Variants in GRK4 observed in about 807,000 individuals in gnomAD.
GRK4 encodes G protein-coupled receptor kinase 2-like.
GRK4 carries 73 observed loss-of-function variants against 77.9 expected under a neutral mutation model. That is an observed-to-expected ratio of 0.94 (90% CI 0.78 to 1.14). The LOEUF (loss-of-function observed/expected upper bound fraction) is 1.14. Among genes scored for constraint, GRK4 ranks in the 50% most tolerant of loss-of-function variants. GRK4 has a pLI of 0.00. For synonymous variants in GRK4, 257 were observed against 254.4 expected (o/e 1.01, Z -0.10); for missense variants, 729 against 700.2 (o/e 1.04, Z -0.46).
intron 1 of GRK4, among the ~76,000 whole-genome samples, chr4:2,977,288 G>C (rs1326438347): frequency 1.3e-5 from 2 of 152,164 alleles, no homozygotes; most frequent in Non-Finnish European, 1.5e-5. Context: ...CTGTTTGCTA[G>C]AGCGTGGGGC....
chr4:3,037,798 C>G (rs1741205766), intron 14 of GRK4, among the ~76,000 whole-genome samples: 1 of 152,096 alleles, frequency 6.6e-6, no homozygotes, highest in East Asian at 1.9e-4. Context: ...ACCTGTAGTC[C>G]CAGCTAGTAG....
Position 3,007,061 on chromosome 4 carries a change from G to T in GRK4, c.444-675G>T, listed in dbSNP as rs116174261. On this transcript the variant is annotated intron_variant, in intron 5 of 15. Transcript: ENST00000398052. Reference sequence around the variant, plus strand: ...AATAACACAACAATTATAAGGCTAGGCTTGGTGGCTTACACCTGTAGTCCC... The same window carrying T: ...AATAACACAACAATTATAAGGCTAGTCTTGGTGGCTTACACCTGTAGTCCC... Among the ~76,000 whole-genome samples the T allele has an allele frequency of 5.3e-3, 812 of 152,118 alleles. 11 individuals carry two copies. Among genetic ancestry groups the T allele is most frequent in the African/African-American group, 0.016 (684 of 41,500 alleles).
intron 8 of GRK4, among the ~76,000 whole-genome samples, chr4:3,017,893 C>T (rs1169837991): frequency 6.6e-6 from 1 of 152,042 alleles, no homozygotes; most frequent in Non-Finnish European, 1.5e-5. Flanking sequence ...ATATTAAAAG[C>T]TTTTCCCCGT....
At chr4:2,994,718 G>A (rs1472999528) in intron 4 of GRK4, among the ~76,000 whole-genome samples, 1 of 152,164 alleles carries the variant, frequency 6.6e-6, no homozygotes, top group Non-Finnish European at 1.5e-5. Flanking sequence ...GTGGCTTGGT[G>A]CCTTAGTCTG....
At chr4:2,989,189 AG>A (rs1456566422) in intron 3 of GRK4, among the ~76,000 whole-genome samples, 1 of 152,126 alleles carries the variant, frequency 6.6e-6, no homozygotes, top group Non-Finnish European at 1.5e-5. Context: ...TCAAAAAAAA[AG>A]AAAATGTAAA....
At chr4:3,000,544 TTTTTC>T (rs755931695) in intron 4 of GRK4, among the ~76,000 whole-genome samples, 1,702 of 130,430 alleles carry the variant, frequency 0.013, 27 homozygotes, top group African/African-American at 0.042. Context: ...TTTTCTTTCT[TTTTTC>T]TTTTCTTTTC....
intron 6 of GRK4, among the ~76,000 whole-genome samples, chr4:3,008,467 G>C (rs992163081): frequency 6.6e-6 from 1 of 152,146 alleles, no homozygotes; most frequent in African/African-American, 2.4e-5. Flanking sequence ...TGTGTACAAC[G>C]CTTATAGCAC....
intron 13 of GRK4, among the ~76,000 whole-genome samples, chr4:3,036,280 G>C (rs757317246): frequency 6.6e-6 from 1 of 152,246 alleles, no homozygotes; most frequent in Non-Finnish European, 1.5e-5. Context: ...GGACCCTGAA[G>C]TGGTCACTGT....
intron 4 of GRK4, among the ~76,000 whole-genome samples, chr4:3,000,852 G>C (rs6826590): frequency 3.9e-5 from 6 of 151,978 alleles, no homozygotes; most frequent in African/African-American, 1.2e-4. Flanking sequence ...ACAGGCGTGA[G>C]CCACGGCGCC....
intron 5 of GRK4, among the ~76,000 whole-genome samples, chr4:3,007,030 A>G (rs1337202085): frequency 6.6e-6 from 1 of 152,092 alleles, no homozygotes; most frequent in East Asian, 1.9e-4. Context: ...AGTGACATGT[A>G]ATAGTAATAA....
chr4:2,969,548 G>A (rs1484835148), intron 1 of GRK4, among the ~76,000 whole-genome samples: 1 of 151,762 alleles, frequency 6.6e-6, no homozygotes, highest in Non-Finnish European at 1.5e-5. Context: ...GGCTAATTTT[G>A]TATTTTTAGT....
intron 1 of GRK4, among the ~76,000 whole-genome samples, chr4:2,979,839 A>G (rs892019911): frequency 6.6e-6 from 1 of 152,234 alleles, no homozygotes; most frequent in Non-Finnish European, 1.5e-5. Context: ...TGCATTCTGC[A>G]TTCTAGCCTG....
At chr4:3,009,757 G>A in intron 7 of GRK4, 46 bp downstream of exon 7, 1 of 1,435,914 alleles carries the variant, frequency 7.0e-7, no homozygotes, top group South Asian at 1.1e-5. Context: ...AGCTGGGTGG[G>A]GAGCAAGGTC....
At chr4:3,003,300 G>A (rs1179893980) in intron 4 of GRK4, among the ~76,000 whole-genome samples, 2 of 151,314 alleles carry the variant, frequency 1.3e-5, no homozygotes, top group African/African-American at 2.4e-5. Flanking sequence ...AGCAATTCTC[G>A]TGCCTCAGCC....
At chr4:3,019,046 T>C (rs1395921106) in intron 8 of GRK4, among the ~76,000 whole-genome samples, 2 of 152,112 alleles carry the variant, frequency 1.3e-5, no homozygotes, top group Non-Finnish European at 2.9e-5. Flanking sequence ...TGTGTGTGTG[T>C]GTGAACTGAC....
intron 13 of GRK4, among the ~76,000 whole-genome samples, chr4:3,036,785 C>T (rs986634124): frequency 6.6e-6 from 1 of 152,160 alleles, no homozygotes; most frequent in Non-Finnish European, 1.5e-5. Context: ...AGTGGACCTG[C>T]AGGAGGATGG....
At chr4:2,999,897 A>G (rs1578153389) in intron 4 of GRK4, among the ~76,000 whole-genome samples, 1 of 152,240 alleles carries the variant, frequency 6.6e-6, no homozygotes, top group Non-Finnish European at 1.5e-5. Context: ...AGGGTCTAGT[A>G]TCCAGAATAT....
At chr4:3,018,090 G>A (rs987277945) in intron 8 of GRK4, among the ~76,000 whole-genome samples, 5 of 144,404 alleles carry the variant, frequency 3.5e-5, no homozygotes, top group African/African-American at 1.3e-4. Context: ...TTTTTTTTTA[G>A]ATAGAGATGG....
intron 10 of GRK4, among the ~76,000 whole-genome samples, chr4:3,026,033 G>T (rs1374887041): frequency 6.6e-6 from 1 of 152,234 alleles, no homozygotes; most frequent in Non-Finnish European, 1.5e-5. Context: ...CGCAGCCCTC[G>T]CTGGTAAGCG....
Sources: gnomAD v4.1 joint callset for allele counts (sites outside exome capture counted in the v4.1 genomes callset) on GRCh38, gnomAD v4.1.1 for gene constraint, MANE v1.5 for transcripts, NCBI Gene and HGNC (gene_info 2026-07-23, HGNC 2026-07-21) for gene names.